The following DLC1 variants were observed in gnomAD, a reference collection of about 807,000 sequenced individuals.
DLC1 encodes DLC1 Rho GTPase activating protein.
DLC1 carries 54 observed loss-of-function variants against 140.3 expected under a neutral mutation model. That is an observed-to-expected ratio of 0.38 (90% CI 0.31 to 0.48). The LOEUF is 0.48. Ranked by LOEUF, DLC1 falls within the 20% of genes least tolerant of loss-of-function variation. The pLI is 0.96. For synonymous variants in DLC1, 986 were observed against 728.1 expected, an observed-to-expected ratio of 1.35 and a Z score of -5.70; for missense variants, 2,536 against 1,907.0, an observed-to-expected ratio of 1.33 and a Z score of -6.14.
intron 5 of DLC1, among the ~76,000 whole-genome samples, chr8:13,153,227 G>A (rs1434129383): frequency 6.6e-6 from 1 of 152,126 alleles, no homozygotes; most frequent in Non-Finnish European, 1.5e-5. Context: ...GTGGGTTCGT[G>A]GTCTCGCAGG....
At chr8:13,210,048 T>C (rs111226982) in intron 5 of DLC1, among the ~76,000 whole-genome samples, 41 of 152,294 alleles carry the variant, frequency 2.7e-4, no homozygotes, top group African/African-American at 9.9e-4. Context: ...TTTTGGTGTT[T>C]GGTGTGGGGT....
chr8:13,497,614 T>C (rs926343864), intron 2 of DLC1, among the ~76,000 whole-genome samples: 10 of 152,354 alleles, frequency 6.6e-5, no homozygotes, highest in Admixed American at 2.0e-4. Context: ...GAGTATATGT[T>C]TCTGGAATGT....
At chr8:13,438,150 TAAAC>T (rs1233608345) in intron 2 of DLC1, among the ~76,000 whole-genome samples, 3 of 152,110 alleles carry the variant, frequency 2.0e-5, no homozygotes, top group African/African-American at 7.2e-5. Context: ...GGAGAGCTTT[TAAAC>T]AAACAATCCA....
At chr8:13,167,046 T>C (rs1162347378) in intron 5 of DLC1, among the ~76,000 whole-genome samples, 2 of 152,092 alleles carry the variant, frequency 1.3e-5, no homozygotes, top group South Asian at 2.1e-4. Context: ...AGAAAATGGA[T>C]TGAATTCTGA....
chr8:13,217,662 G>C (rs910704608), intron 5 of DLC1, among the ~76,000 whole-genome samples: 1 of 151,690 alleles, frequency 6.6e-6, no homozygotes, highest in Non-Finnish European at 1.5e-5. Flanking sequence ...GTGAAACTCT[G>C]TCTCTACTAA....
intron 4 of DLC1, among the ~76,000 whole-genome samples, chr8:13,370,939 G>A (rs1054353565): frequency 1.3e-5 from 2 of 152,110 alleles, no homozygotes; most frequent in African/African-American, 4.8e-5. Flanking sequence ...CCTGGCCAAG[G>A]GAACTGCAGT....
At chr8:13,376,980 C>G (rs887809015) in intron 4 of DLC1, among the ~76,000 whole-genome samples, 4 of 152,122 alleles carry the variant, frequency 2.6e-5, no homozygotes, top group Non-Finnish European at 5.9e-5. Context: ...CTGGTAGAAA[C>G]CAGTGACAAA....
At chr8:13,395,018 C>CTATCTATG (rs1048538193) in intron 3 of DLC1, among the ~76,000 whole-genome samples, 1 of 86,528 alleles carries the variant, frequency 1.2e-5, no homozygotes, top group Non-Finnish European at 2.2e-5. Context: ...ATCTATCTAT[C>CTATCTATG]TATCTATCTA....
At chr8:13,471,309 CAAA>C (rs59564488) in intron 2 of DLC1, among the ~76,000 whole-genome samples, 4 of 119,202 alleles carry the variant, frequency 3.4e-5, no homozygotes, top group Middle Eastern at 4.9e-3. Flanking sequence ...ATGTTCTCAC[CAAA>C]AAAAAAAAAG....
intron 5 of DLC1, among the ~76,000 whole-genome samples, chr8:13,257,270 T>TACA (rs1830271713): frequency 6.6e-6 from 1 of 150,944 alleles, no homozygotes; most frequent in South Asian, 2.1e-4. Flanking sequence ...ACCCTGTCTC[T>TACA]ACAAAAAAGT....
intron 10 of DLC1, among the ~76,000 whole-genome samples, chr8:13,097,000 G>C (rs924428102): frequency 6.6e-6 from 1 of 152,090 alleles, no homozygotes; most frequent in African/African-American, 2.4e-5. Context: ...GATGTACCCA[G>C]ATTAGGTGAT....
intron 4 of DLC1, among the ~76,000 whole-genome samples, chr8:13,313,874 G>A (rs939904444): frequency 5.3e-5 from 8 of 151,792 alleles, no homozygotes; most frequent in African/African-American, 1.9e-4. Context: ...TTTGAGGTTT[G>A]TCACCCCAAA....
chr8:13,598,451 G>A (rs1371803169), intron 1 of DLC1, among the ~76,000 whole-genome samples: 2 of 152,008 alleles, frequency 1.3e-5, no homozygotes, highest in African/African-American at 4.8e-5. Context: ...TGAGGAAAGA[G>A]TTTCTTGGTT....
At chr8:13,129,351 G>T (rs930842239) in intron 5 of DLC1, among the ~76,000 whole-genome samples, 2 of 152,196 alleles carry the variant, frequency 1.3e-5, no homozygotes, top group Non-Finnish European at 1.5e-5. Flanking sequence ...CCATGGAAAA[G>T]AGGATCTTGG....
intron 12 of DLC1, among the ~76,000 whole-genome samples, chr8:13,093,356 A>G (rs1818244776): frequency 6.6e-6 from 1 of 152,162 alleles, no homozygotes; most frequent in South Asian, 2.1e-4. Flanking sequence ...AGCTGCTAAA[A>G]TATTCAGTTC....
chr8:13,325,839 A>T (rs1833321152), intron 4 of DLC1, among the ~76,000 whole-genome samples: 1 of 152,224 alleles, frequency 6.6e-6, no homozygotes. Flanking sequence ...AATAGCTTTT[A>T]ATCAGTCATC....
At chr8:13,305,878 A>C (rs1042302097) in intron 4 of DLC1, among the ~76,000 whole-genome samples, 3 of 152,140 alleles carry the variant, frequency 2.0e-5, no homozygotes, top group Admixed American at 2.0e-4. Flanking sequence ...TGAATCTAAA[A>C]ACACTTTGAA....
In DLC1 at chr8:13,227,853, T is replaced by A. The variant is rs527855906; in HGVS notation, c.1348+77416A>T. Among the ~76,000 whole-genome samples, 11 of 152,318 alleles carry A rather than the reference T, an allele frequency of 7.2e-5. No homozygotes were observed. In the South Asian group the frequency reaches 8.3e-4, roughly 11 times the overall value. On this transcript the variant is annotated intron_variant, in intron 5 of 17. Transcript: ENST00000276297. ...TAAAGTGTTAAAAAATCAATTCCCA[T>A]AACTGGCTTGGTGGCTCTTATATTT... is the stretch of plus-strand genomic sequence containing the variant.
intron 5 of DLC1, among the ~76,000 whole-genome samples, chr8:13,128,470 A>G (rs1192429686): frequency 6.6e-6 from 1 of 152,178 alleles, no homozygotes; most frequent in African/African-American, 2.4e-5. Flanking sequence ...AGGAAATTAC[A>G]AAGTAACTAT....
Sources: gnomAD v4.1 joint callset for allele counts (sites outside exome capture counted in the v4.1 genomes callset) on GRCh38, gnomAD v4.1.1 for gene constraint, MANE v1.5 for transcripts, NCBI Gene and HGNC (gene_info 2026-07-23, HGNC 2026-07-21) for gene names.